MAP3K5: variants seen among roughly 807,000 people sequenced by gnomAD.
MAP3K5 encodes the protein ASK-1.
A neutral mutation model predicts 158.7 loss-of-function variants in MAP3K5; 56 were observed. The ratio of observed to expected loss-of-function variants is 0.35; its 90% CI spans 0.28 to 0.44. The LOEUF (loss-of-function observed/expected upper bound fraction) is 0.44. MAP3K5 is among the 20% of genes least tolerant of loss of function. The pLI is 1.00. For synonymous variants in MAP3K5, 579 were observed against 601.7 expected, an observed-to-expected ratio of 0.96 and a Z score of 0.55; for missense variants, 1,294 against 1,674.8, an observed-to-expected ratio of 0.77 and a Z score of 3.97.
At chr6:136,592,078 C>G (rs1370173792) in intron 23 of MAP3K5, 95 bp downstream of exon 23, 8 of 1,197,828 alleles carry the variant, frequency 6.7e-6, no homozygotes, top group Non-Finnish European at 9.3e-6. Context: ...ACAGGTTCCT[C>G]TTGCCTTTCA....
chr6:136,611,447 G>T, intron 17 of MAP3K5, 60 bp from the exon 18 acceptor site: 1 of 928,352 alleles, frequency 1.1e-6, no homozygotes, highest in South Asian at 1.6e-5. Context: ...GTCTGTTGTT[G>T]ACTTGGTAAG....
intron 1 of MAP3K5, among the ~76,000 whole-genome samples, chr6:136,752,358 A>C (rs943735410): frequency 6.6e-6 from 1 of 152,112 alleles, no homozygotes; most frequent in African/African-American, 2.4e-5. Context: ...CCTGAGGAGG[A>C]AGGTTGGGAG....
At chr6:136,749,825 G>A (rs1001317219) in intron 1 of MAP3K5, among the ~76,000 whole-genome samples, 12 of 152,150 alleles carry the variant, frequency 7.9e-5, no homozygotes, top group Non-Finnish European at 1.5e-4. Context: ...AGGGAGGAAG[G>A]AAGCATATGG....
chr6:136,594,728 T>C (rs1393415975), intron 21 of MAP3K5, among the ~76,000 whole-genome samples: 1 of 152,142 alleles, frequency 6.6e-6, no homozygotes, highest in Non-Finnish European at 1.5e-5. Flanking sequence ...TGTTGTTTCT[T>C]GGGAGTAAAG....
At chr6:136,596,814 A>G (rs1008431555) in intron 21 of MAP3K5, among the ~76,000 whole-genome samples, 2 of 152,250 alleles carry the variant, frequency 1.3e-5, no homozygotes, top group Non-Finnish European at 2.9e-5. Context: ...GACGATTTCC[A>G]GGCAAGTGAG....
intron 1 of MAP3K5, among the ~76,000 whole-genome samples, chr6:136,725,072 A>G (rs2327756): frequency 0.15 from 22,339 of 152,206 alleles, 5,329 homozygotes; most frequent in African/African-American, 0.5. Flanking sequence ...GACTTAGCAA[A>G]ATGCATGTGA....
intron 12 of MAP3K5, among the ~76,000 whole-genome samples, chr6:136,641,312 C>G (rs1423149948): frequency 6.6e-6 from 1 of 152,000 alleles, no homozygotes; most frequent in Non-Finnish European, 1.5e-5. Context: ...CTAATAAAAC[C>G]AATTATTATT....
At chr6:136,690,200 C>A (rs1359107681) in intron 7 of MAP3K5, among the ~76,000 whole-genome samples, 2 of 152,088 alleles carry the variant, frequency 1.3e-5, no homozygotes, top group East Asian at 3.8e-4. Context: ...GTTTATGATG[C>A]CCATCCGTGC....
chr6:136,724,519 A>T (rs1161125572), intron 1 of MAP3K5, among the ~76,000 whole-genome samples: 1 of 152,184 alleles, frequency 6.6e-6, no homozygotes, highest in East Asian at 1.9e-4. Flanking sequence ...AAGTGCTGGG[A>T]TAACAAGCAT....
At chr6:136,629,200 T>C (rs1777191544) in intron 14 of MAP3K5, 1 of 152,210 alleles carries the variant, frequency 6.6e-6, no homozygotes, top group South Asian at 2.1e-4. Flanking sequence ...GGTGACTCAC[T>C]GAGTCCTTGC....
chr6:136,605,495 G>A (rs1213561234), intron 18 of MAP3K5, 129 bp from the exon 19 acceptor site: 13 of 731,398 alleles, frequency 1.8e-5, no homozygotes, highest in South Asian at 6.3e-5. Flanking sequence ...TCCTAATATC[G>A]TTTGTGAGTT....
intron 1 of MAP3K5, among the ~76,000 whole-genome samples, chr6:136,734,144 C>T (rs1227234468): frequency 6.6e-6 from 1 of 151,978 alleles, no homozygotes; most frequent in African/African-American, 2.4e-5. Context: ...GGGCTGGGTG[C>T]GGTAGCTCAC....
chr6:136,667,154 A>G (rs1779263077), intron 8 of MAP3K5, among the ~76,000 whole-genome samples: 1 of 152,214 alleles, frequency 6.6e-6, no homozygotes. Flanking sequence ...GCTTCAACAA[A>G]ACCTCACCTT....
intron 25 of MAP3K5, among the ~76,000 whole-genome samples, chr6:136,574,396 T>A (rs190344433): frequency 4.8e-4 from 73 of 152,324 alleles, no homozygotes; most frequent in Non-Finnish European, 7.9e-4. Flanking sequence ...TAACAACTAG[T>A]GGTAATATCA....
chr6:136,623,327 T>C (rs1255678881), intron 14 of MAP3K5, among the ~76,000 whole-genome samples: 3 of 152,340 alleles, frequency 2.0e-5, no homozygotes, highest in Non-Finnish European at 4.4e-5. Context: ...CATCTATCAA[T>C]GTCTATCACA....
rs534088268 is a variant in MAP3K5 at position 136,752,043 on chromosome 6, C to CA, written c.449-31455dup. 4.4e-3 allele frequency among the ~76,000 whole-genome samples: 664 copies of CA among 152,094 alleles called. 6 individuals carry two copies. The highest frequency in any genetic ancestry group is 0.01 in the Middle Eastern group (3 of 294). ...CTTTTTCTCAGTGTGCTTCAGAGTT[C>CA]AAAAAAAATTTTTACATTGGTTCTC... On this transcript the variant is annotated intron_variant, in intron 1 of 29. Transcript: ENST00000359015.
At chr6:136,578,764 G>A (rs890373490) in intron 25 of MAP3K5, among the ~76,000 whole-genome samples, 4 of 152,102 alleles carry the variant, frequency 2.6e-5, no homozygotes, top group East Asian at 1.9e-4. Context: ...GGATGCTCTC[G>A]CTCTCATGTC....
At chr6:136,691,828 T>C (rs1024921765) in intron 7 of MAP3K5, among the ~76,000 whole-genome samples, 2 of 152,156 alleles carry the variant, frequency 1.3e-5, no homozygotes, top group African/African-American at 4.8e-5. Flanking sequence ...AGAACTCCCA[T>C]TTGGTTATTT....
intron 7 of MAP3K5, among the ~76,000 whole-genome samples, chr6:136,687,557 G>C (rs938391050): frequency 6.6e-6 from 1 of 151,892 alleles, no homozygotes; most frequent in Non-Finnish European, 1.5e-5. Context: ...GAATCTACAA[G>C]GAACTTAAAC....
Sources: gnomAD v4.1 joint callset for allele counts (sites outside exome capture counted in the v4.1 genomes callset) on GRCh38, gnomAD v4.1.1 for gene constraint, MANE v1.5 for transcripts, NCBI Gene and HGNC (gene_info 2026-07-23, HGNC 2026-07-21) for gene names.